The following AKAP13 variants were observed in gnomAD, a reference collection of about 807,000 sequenced individuals.
AKAP13 encodes the protein A-kinase anchoring protein 13, also known as A-kinase anchor protein 13.
AKAP13 carries 80 observed loss-of-function variants against 264.5 expected under a neutral mutation model. The observed-to-expected ratio is 0.30, with a 90% CI of 0.25 to 0.36. The LOEUF (loss-of-function observed/expected upper bound fraction) is 0.36. AKAP13 is among the 10% of genes least tolerant of loss of function. AKAP13 has a pLI of 1.00. For missense variants in AKAP13, 3,712 were observed against 3,435.2 expected, an observed-to-expected ratio of 1.08 and a Z score of -2.01; for synonymous variants, 1,380 against 1,250.2, an observed-to-expected ratio of 1.10 and a Z score of -2.19.
intron 30 of AKAP13, among the ~76,000 whole-genome samples, chr15:85,734,080 G>T (rs187820145): frequency 7.9e-5 from 12 of 151,998 alleles, no homozygotes; most frequent in African/African-American, 2.7e-4. Context: ...TGATCTGCCC[G>T]CCTCGGCCTC....
chr15:85,619,456 C>CTGG (rs1361067592), intron 8 of AKAP13: 1 of 985,180 alleles, frequency 1.0e-6, no homozygotes, highest in African/African-American at 1.7e-5. Flanking sequence ...GCCCTACTGC[C>CTGG]TGGTGAGCAA....
chr15:85,385,143 T>G (rs923311911), intron 1 of AKAP13, among the ~76,000 whole-genome samples: 7 of 152,204 alleles, frequency 4.6e-5, no homozygotes, highest in Non-Finnish European at 7.3e-5. Context: ...CAGAAAATAT[T>G]TACTATCTGG....
At chr15:85,716,380 G>A (rs2086945063) in intron 20 of AKAP13, among the ~76,000 whole-genome samples, 1 of 152,066 alleles carries the variant, frequency 6.6e-6, no homozygotes, top group Admixed American at 6.6e-5. Flanking sequence ...TTTCATGGAG[G>A]TGAGTGCTGA....
At position 85,724,818 on chromosome 15, in the gene AKAP13, G is replaced by A. The variant is rs184375149; in HGVS notation, c.6745+1498G>A. 2.6e-3 allele frequency among the ~76,000 whole-genome samples: 394 copies of A among 152,036 alleles called. 3 individuals carry two copies. The highest frequency in any genetic ancestry group is 8.9e-3 in the African/African-American group (368 of 41,482). ...GGAAGAGCTCATCTGGGCCTGCATTGTAGCAGAAGGCATAAAAAAGAAGGG... is the reference window on the plus strand; with the variant it reads ...GGAAGAGCTCATCTGGGCCTGCATTATAGCAGAAGGCATAAAAAAGAAGGG... On this transcript the variant is annotated intron_variant, in intron 26 of 36. Transcript: ENST00000394518. The surrounding 1 kb of genome is among the most constrained non-coding windows in gnomAD (Gnocchi z 4.2).
At position 85,545,141 on chromosome 15, in the gene AKAP13, C is replaced by A. The variant is rs561246183; in HGVS notation, c.662+1186C>A. ...ATGAGCTTTGGATACCTGAGCTCTCCTAAGACAGTATTCCAGGGAGTGATA... is the reference window on the plus strand; with the variant it reads ...ATGAGCTTTGGATACCTGAGCTCTCATAAGACAGTATTCCAGGGAGTGATA... On this transcript the variant is annotated intron_variant, in intron 5 of 36. Coordinates refer to ENST00000394518, the MANE Select transcript of AKAP13 (RefSeq NM_007200.5). Among the ~76,000 whole-genome samples, 3 of 152,186 alleles carry A rather than the reference C, an allele frequency of 2.0e-5. No individual in the cohort carries two copies. The South Asian group carries it at 6.2e-4, about 31-fold the overall frequency.
intron 1 of AKAP13, among the ~76,000 whole-genome samples, chr15:85,462,478 C>T (rs2074554461): frequency 6.6e-6 from 1 of 152,122 alleles, no homozygotes; most frequent in South Asian, 2.1e-4. Context: ...TAGAAAAATC[C>T]AGAGTTGCCA....
chr15:85,581,172 C>T lies in AKAP13; in HGVS notation c.3104C>T (p.Ala1035Val), dbSNP rs1280438552. The T allele has an allele frequency of 6.2e-6, 10 of 1,614,010 alleles. No individual in the cohort carries two copies. The highest frequency in any genetic ancestry group is 1.3e-5 in the African/African-American group (1 of 74,904). Residue 1035 changes from alanine (A) to valine (V), a missense_variant, in exon 7 of 37, where the codon GCA becomes GTA. Physicochemically the swap from Ala to Val is moderately conservative, Grantham distance 64 (BLOSUM62 0). This residue lies in a region of AKAP13 where 2,759 missense variants were observed against 2,411.7 expected (regional missense o/e 1.14). Coordinates refer to ENST00000394518, the MANE Select transcript of AKAP13 (RefSeq NM_007200.5). ...GAGTCAAGGCAGGAAGCCTTGGGGG[C>T]AGAGCACAACAGCTCCGCTCTGTTG... ...ATESRQEALG[A>V]EHNSSALLPC... is the part of the protein sequence containing the mutation.
At chr15:85,440,705 C>G (rs1219756795) in intron 1 of AKAP13, among the ~76,000 whole-genome samples, 1 of 152,168 alleles carries the variant, frequency 6.6e-6, no homozygotes, top group Non-Finnish European at 1.5e-5. Context: ...TACACACTTT[C>G]CTTTTTGCTA....
At chr15:85,527,571 A>G (rs2077112414) in intron 3 of AKAP13, among the ~76,000 whole-genome samples, 1 of 152,252 alleles carries the variant, frequency 6.6e-6, no homozygotes, top group Admixed American at 6.5e-5. Context: ...GCTGGAATAT[A>G]GCGGAGCACA....
intron 4 of AKAP13, chr15:85,536,346 A>G (rs1020788328): frequency 1.3e-5 from 2 of 152,248 alleles, no homozygotes; most frequent in Admixed American, 6.5e-5. Flanking sequence ...GCTGGCAAAG[A>G]TGAAGAACAT....
At position 85,579,103 on chromosome 15, in the gene AKAP13, C is replaced by T; in HGVS notation, c.1035C>T (p.Ser345=). The change falls in exon 7 of 37, where the codon AGC becomes AGT. Residue 345 remains serine (S), a synonymous_variant. Transcript: ENST00000394518. ...AGAGCACTCAGTGCTGCCCAGGGAG[C>T]CCTGTTGCACAGACTGAAAGTCCCT... ...ETESTQCCPG[S]PVAQTESPCD... is the part of the protein sequence containing the mutation. 6.2e-7 allele frequency: 1 copy of T among 1,614,148 alleles called. No homozygotes were observed.
intron 7 of AKAP13, chr15:85,583,297 A>T: frequency 1.6e-6 from 1 of 644,972 alleles, no homozygotes; most frequent in Non-Finnish European, 1.9e-6. Context: ...GAGCAAAAGA[A>T]GTTGCTTTGG....
At chr15:85,735,779 C>A in intron 32 of AKAP13, 149 bp downstream of exon 32, 1 of 888,876 alleles carries the variant, frequency 1.1e-6, no homozygotes, top group South Asian at 1.8e-5. Flanking sequence ...ATTTTTAAAA[C>A]AAATAGTACA....
At chr15:85,607,506 G>A (rs528192479) in intron 8 of AKAP13, among the ~76,000 whole-genome samples, 1 of 151,954 alleles carries the variant, frequency 6.6e-6, no homozygotes, top group African/African-American at 2.4e-5. Context: ...CCATTTTGTA[G>A]GTGAGAAACT....
intron 1 of AKAP13, among the ~76,000 whole-genome samples, chr15:85,429,030 A>G (rs2072917100): frequency 1.3e-5 from 2 of 152,210 alleles, no homozygotes; most frequent in Non-Finnish European, 2.9e-5. Flanking sequence ...ACATGCATAA[A>G]GTAATGTTAT....
intron 1 of AKAP13, among the ~76,000 whole-genome samples, chr15:85,425,150 A>C (rs2072714772): frequency 1.3e-5 from 2 of 152,210 alleles, no homozygotes; most frequent in Admixed American, 6.5e-5. Flanking sequence ...TGGTGCTGAT[A>C]GACTTGCTTG....
chr15:85,642,932 A>T (rs565929352), intron 9 of AKAP13, among the ~76,000 whole-genome samples: 4 of 150,680 alleles, frequency 2.7e-5, no homozygotes, highest in Non-Finnish European at 5.9e-5. Context: ...ATGGAAAGGC[A>T]TTTTTTTATT....
intron 3 of AKAP13, among the ~76,000 whole-genome samples, chr15:85,522,201 G>A (rs1048476319): frequency 1.9e-4 from 29 of 152,198 alleles, no homozygotes; most frequent in African/African-American, 6.0e-4. Flanking sequence ...CGATCAGTCC[G>A]TGACTCAGTT....
At position 85,655,792 on chromosome 15, in the gene AKAP13, G is replaced by A; in HGVS notation, c.4745+5G>A. On this transcript the variant is annotated splice_donor_5th_base_variant and intron_variant, in intron 11 of 36. Transcript: ENST00000394518. ...TGCAGAAATGAACCACCGGAGGTGAGATGGGAGGCGGTTTGTTTAGTGTCT... is the reference window on the plus strand; with the variant it reads ...TGCAGAAATGAACCACCGGAGGTGAAATGGGAGGCGGTTTGTTTAGTGTCT... 6.2e-7 allele frequency: 1 copy of A among 1,600,070 alleles called. No individual in the cohort carries two copies. The highest frequency in any genetic ancestry group is 8.5e-7 in the Non-Finnish European group (1 of 1,169,984).
Sources: gnomAD v4.1 joint callset for allele counts (sites outside exome capture counted in the v4.1 genomes callset) on GRCh38, gnomAD v4.1.1 for gene constraint, gnomAD v4.1.1 regional missense constraint, Gnocchi (gnomAD v3.1) non-coding constraint, MANE v1.5 for transcripts, NCBI Gene and HGNC (gene_info 2026-07-23, HGNC 2026-07-21) for gene names.